Variants in CSGALNACT1 observed in about 807,000 individuals in gnomAD.
CSGALNACT1 encodes beta4GalNAcT-1.
In CSGALNACT1, 52 loss-of-function variants were observed where a neutral mutation model predicts 51.0. The observed-to-expected ratio is 1.02, with a 90% CI of 0.82 to 1.29. CSGALNACT1 has a LOEUF of 1.29. Ranked by LOEUF, CSGALNACT1 falls within the 50% of genes most tolerant of loss-of-function variation. The pLI is 0.00. For missense variants in CSGALNACT1, 935 were observed against 679.2 expected (o/e 1.38, Z -4.19); for synonymous variants, 341 against 254.4 (o/e 1.34, Z -3.24).
exon 10 of CSGALNACT1, chr8:19,405,634 C>A (rs113643413): frequency 6.5e-6 from 7 of 1,083,558 alleles, no homozygotes; most frequent in Non-Finnish European, 8.2e-6. Flanking sequence ...AAAAGCCCAA[C>A]AGAGAGAAAT....
chr8:19,562,484 G>GAAAA (rs71304936), intron 3 of CSGALNACT1, among the ~76,000 whole-genome samples: 2 of 129,312 alleles, frequency 1.5e-5, no homozygotes, highest in Admixed American at 7.9e-5. Flanking sequence ...CTTCTGCACA[G>GAAAA]AAAAAAAAAA....
intron 8 of CSGALNACT1, 125 bp downstream of exon 7, chr8:19,418,531 A>C (rs1452289608): frequency 2.7e-6 from 2 of 741,056 alleles, no homozygotes; most frequent in Non-Finnish European, 4.9e-6. Flanking sequence ...CATCTGCCAA[A>C]CGTAAAAACT....
At chr8:19,417,970 C>A (rs1051628179) in intron 8 of CSGALNACT1, among the ~76,000 whole-genome samples, 1 of 152,218 alleles carries the variant, frequency 6.6e-6, no homozygotes, top group African/African-American at 2.4e-5. Flanking sequence ...CCTGTGACAA[C>A]AGAGACATCT....
At chr8:19,422,498 C>T (rs979550887) in intron 6 of CSGALNACT1, among the ~76,000 whole-genome samples, 2 of 152,222 alleles carry the variant, frequency 1.3e-5, no homozygotes, top group African/African-American at 4.8e-5. Context: ...TCTATTTTTC[C>T]TATGATCCTG....
At chr8:19,632,071 T>C (rs6996707) in intron 1 of CSGALNACT1, among the ~76,000 whole-genome samples, 7,478 of 152,344 alleles carry the variant, frequency 0.049, 649 homozygotes, top group African/African-American at 0.17. Context: ...TACACCTTCT[T>C]GTTTACATAA....
At chr8:19,526,072 A>T (rs982977516) in intron 3 of CSGALNACT1, among the ~76,000 whole-genome samples, 3 of 152,242 alleles carry the variant, frequency 2.0e-5, no homozygotes, top group Non-Finnish European at 4.4e-5. Flanking sequence ...TAAAAAGTTA[A>T]AAAAGGAAAA....
intron 1 of CSGALNACT1, among the ~76,000 whole-genome samples, chr8:19,704,936 G>T (rs1026227701): frequency 2.0e-5 from 3 of 152,186 alleles, no homozygotes; most frequent in Non-Finnish European, 4.4e-5. Flanking sequence ...TGTGAAAACA[G>T]AGTTGGGAAA....
At chr8:19,677,215 C>T (rs1451761785) in intron 1 of CSGALNACT1, among the ~76,000 whole-genome samples, 5 of 152,000 alleles carry the variant, frequency 3.3e-5, no homozygotes, top group Admixed American at 2.6e-4. Flanking sequence ...CTCAAGTGAT[C>T]CTTCCACCTC....
At chr8:19,466,952 C>A (rs1346739683) in intron 4 of CSGALNACT1, among the ~76,000 whole-genome samples, 1 of 152,120 alleles carries the variant, frequency 6.6e-6, no homozygotes, top group African/African-American at 2.4e-5. Flanking sequence ...GAAATTCATA[C>A]AACCCCTTTT....
At chr8:19,712,953 G>A (rs760529242) in intron 1 of CSGALNACT1, among the ~76,000 whole-genome samples, 1 of 152,146 alleles carries the variant, frequency 6.6e-6, no homozygotes. Flanking sequence ...TCATTGTAAG[G>A]AAGCATGGTT....
At chr8:19,727,857 T>C (rs2063488869) in intron 1 of CSGALNACT1, among the ~76,000 whole-genome samples, 1 of 152,280 alleles carries the variant, frequency 6.6e-6, no homozygotes, top group East Asian at 1.9e-4. Flanking sequence ...TGAGGCCTCC[T>C]AGGCCTGCTC....
At chr8:19,746,898 G>A (rs747078815) in intron 1 of CSGALNACT1, among the ~76,000 whole-genome samples, 2 of 152,180 alleles carry the variant, frequency 1.3e-5, no homozygotes, top group Admixed American at 6.5e-5. Context: ...ATACTTGGTG[G>A]TTTCACACAC....
intron 3 of CSGALNACT1, among the ~76,000 whole-genome samples, chr8:19,560,597 G>T (rs999862795): frequency 6.6e-6 from 1 of 152,148 alleles, no homozygotes; most frequent in East Asian, 1.9e-4. Context: ...GGGGAAATCC[G>T]TGTGACCACA....
At chr8:19,408,914 C>T (rs2054951681) in intron 8 of CSGALNACT1, among the ~76,000 whole-genome samples, 1 of 137,354 alleles carries the variant, frequency 7.3e-6, no homozygotes, top group Admixed American at 7.6e-5. Context: ...TTTTTGGCAC[C>T]TCTGGCTGGA....
chr8:19,577,251 G>C (rs2044449489), intron 3 of CSGALNACT1, among the ~76,000 whole-genome samples: 1 of 152,062 alleles, frequency 6.6e-6, no homozygotes, highest in South Asian at 2.1e-4. Context: ...CTGGGGATGA[G>C]TCGTGTGGCA....
At chr8:19,446,750 G>A (rs751044010) in intron 5 of CSGALNACT1, among the ~76,000 whole-genome samples, 3 of 152,152 alleles carry the variant, frequency 2.0e-5, no homozygotes, top group Non-Finnish European at 4.4e-5. Context: ...CTGACCTCGG[G>A]TGAGCCACTC....
chr8:19,565,792 T>C (rs151054922), intron 3 of CSGALNACT1, among the ~76,000 whole-genome samples: 117 of 152,236 alleles, frequency 7.7e-4, no homozygotes, highest in African/African-American at 2.4e-3. Context: ...ACATCTGTAA[T>C]CCCAGCTACT....
chr8:19,614,403 T>TC (rs1257360652), intron 1 of CSGALNACT1, among the ~76,000 whole-genome samples: 1 of 152,196 alleles, frequency 6.6e-6, no homozygotes, highest in Non-Finnish European at 1.5e-5. Context: ...AAACATATTG[T>TC]CAGTTAGCCA....
intron 3 of CSGALNACT1, among the ~76,000 whole-genome samples, chr8:19,532,619 G>C (rs2082987522): frequency 6.6e-6 from 1 of 152,102 alleles, no homozygotes; most frequent in Non-Finnish European, 1.5e-5. Flanking sequence ...GACCCTCAAA[G>C]TCTTTCTAAT....
Sources: gnomAD v4.1 joint callset for allele counts (sites outside exome capture counted in the v4.1 genomes callset) on GRCh38, gnomAD v4.1.1 for gene constraint, MANE v1.5 for transcripts, NCBI Gene and HGNC (gene_info 2026-07-23, HGNC 2026-07-21) for gene names.